The following MAP4K3 variants were observed in gnomAD, a reference collection of about 807,000 sequenced individuals.
MAP4K3 encodes the protein mitogen-activated protein kinase kinase kinase kinase 3, also known as MAPK/ERK kinase kinase kinase 3.
In MAP4K3, 94 loss-of-function variants were observed where a neutral mutation model predicts 143.5. The ratio of observed to expected loss-of-function variants is 0.65; its 90% CI spans 0.55 to 0.78. The LOEUF is 0.78. Among genes scored for constraint, MAP4K3 ranks in the 30% least tolerant of loss-of-function variants. The pLI is 0.00. For missense variants in MAP4K3, 1,077 were observed against 1,068.1 expected (o/e 1.01, Z -0.12); for synonymous variants, 416 against 347.2 (o/e 1.20, Z -2.20).
At chr2:39,307,548 A>C (rs1383621038) in intron 15 of MAP4K3, among the ~76,000 whole-genome samples, 1 of 151,432 alleles carries the variant, frequency 6.6e-6, no homozygotes, top group Non-Finnish European at 1.5e-5. Context: ...ATGCATATGA[A>C]TATATGTACC....
At chr2:39,400,910 A>T (rs2148607164) in intron 1 of MAP4K3, among the ~76,000 whole-genome samples, 1 of 152,296 alleles carries the variant, frequency 6.6e-6, no homozygotes, top group African/African-American at 2.4e-5. Flanking sequence ...TTTAGACATG[A>T]AATATCGGTT....
At chr2:39,405,670 C>G (rs1317760548) in intron 1 of MAP4K3, among the ~76,000 whole-genome samples, 2 of 152,074 alleles carry the variant, frequency 1.3e-5, no homozygotes, top group Non-Finnish European at 2.9e-5. Context: ...GAATTCAAGA[C>G]CAGCTTGGGC....
intron 16 of MAP4K3, chr2:39,294,028 G>A (rs920615507): frequency 1.3e-5 from 2 of 152,188 alleles, no homozygotes; most frequent in Non-Finnish European, 2.9e-5. Context: ...GCAAGTTCAT[G>A]CAGCATACCT....
At chr2:39,385,988 C>A (rs1666495303) in intron 1 of MAP4K3, among the ~76,000 whole-genome samples, 1 of 152,058 alleles carries the variant, frequency 6.6e-6, no homozygotes, top group Admixed American at 6.6e-5. Context: ...GTGTTTTTTG[C>A]AGAATTTATG....
intron 26 of MAP4K3, among the ~76,000 whole-genome samples, chr2:39,268,632 C>CTTTTTTTT (rs1389888924): frequency 5.9e-4 from 27 of 45,728 alleles, no homozygotes; most frequent in East Asian, 1.2e-3. Context: ...AAGATTTTTT[C>CTTTTTTTT]TATTTTTTTT....
At chr2:39,375,987 CTG>C (rs568710898) in intron 2 of MAP4K3, among the ~76,000 whole-genome samples, 102 of 152,294 alleles carry the variant, frequency 6.7e-4, no homozygotes, top group African/African-American at 2.4e-3. Flanking sequence ...GGCAGTTAGA[CTG>C]TTTCCAATTT....
intron 26 of MAP4K3, among the ~76,000 whole-genome samples, chr2:39,269,765 G>A (rs964853108): frequency 6.6e-6 from 1 of 152,122 alleles, no homozygotes. Context: ...TTCAGATGTT[G>A]AAACACTGAA....
intron 1 of MAP4K3, among the ~76,000 whole-genome samples, chr2:39,408,034 G>A (rs964741284): frequency 6.6e-6 from 1 of 152,004 alleles, no homozygotes; most frequent in African/African-American, 2.4e-5. Context: ...TTTATGATCA[G>A]GACTGCTCTT....
At chr2:39,379,713 T>G (rs1236483793) in intron 1 of MAP4K3, 1 of 168,214 alleles carries the variant, frequency 5.9e-6, no homozygotes, top group Non-Finnish European at 1.5e-5. Context: ...ATAAGACAAC[T>G]GCCACCATTT....
rs553705280 is a variant in MAP4K3 at position 39,388,715 on chromosome 2, G to A, written c.97-10592C>T. On this transcript the variant is annotated intron_variant, in intron 1 of 33. Transcript: ENST00000263881. ...CCTGGAAATCCATAATCACAAGTCTGTCCCCAGTAGAGCATAGGGTTAAAA... is the reference window on the plus strand; with the variant it reads ...CCTGGAAATCCATAATCACAAGTCTATCCCCAGTAGAGCATAGGGTTAAAA... Among the ~76,000 whole-genome samples the A allele has an allele frequency of 1.1e-4, 17 of 152,298 alleles. No individual in the cohort carries two copies. The East Asian group carries it at 3.3e-3, about 29-fold the overall frequency.
chr2:39,303,992 G>C (rs1342737967), intron 15 of MAP4K3, among the ~76,000 whole-genome samples: 1 of 152,198 alleles, frequency 6.6e-6, no homozygotes, highest in Non-Finnish European at 1.5e-5. Context: ...GCATTTTGCA[G>C]ATCAGACAAA....
rs1027015591 is a variant in MAP4K3 at position 39,421,782 on chromosome 2, C to T, written c.96+15110G>A. ...CCGTTTCCTGCATGATCTCTTCTTG[C>T]TTATTCCTCCCCCTACCAGGACTTC... On this transcript the variant is annotated intron_variant, in intron 1 of 33. Transcript: ENST00000263881. 2.6e-5 allele frequency among the ~76,000 whole-genome samples: 4 copies of T among 152,170 alleles called. No homozygotes were observed. The East Asian group carries it at 7.7e-4, about 29-fold the overall frequency.
chr2:39,391,391 A>G lies in MAP4K3; in HGVS notation c.97-13268T>C, dbSNP rs1314323962. On this transcript the variant is annotated intron_variant, in intron 1 of 33. Coordinates refer to ENST00000263881, the MANE Select transcript of MAP4K3 (RefSeq NM_003618.4). Reference sequence around the variant, plus strand: ...AAAAAAAAAAAAAAAAGAAAGAAAGAAAGAATATATACTATACTCTCCTCC... The same window carrying G: ...AAAAAAAAAAAAAAAAGAAAGAAAGGAAGAATATATACTATACTCTCCTCC... Among the ~76,000 whole-genome samples, 3 of 150,830 alleles carry G rather than the reference A, an allele frequency of 2.0e-5. No individual in the cohort carries two copies. In the South Asian group the frequency reaches 6.3e-4, roughly 32 times the overall value.
chr2:39,384,477 C>T (rs1259418685), intron 1 of MAP4K3, among the ~76,000 whole-genome samples: 1 of 152,216 alleles, frequency 6.6e-6, no homozygotes, highest in African/African-American at 2.4e-5. Flanking sequence ...ACCCGGGAGG[C>T]GGAAGTTGCA....
intron 12 of MAP4K3, among the ~76,000 whole-genome samples, chr2:39,321,393 G>A (rs1352261371): frequency 6.6e-6 from 1 of 152,234 alleles, no homozygotes; most frequent in Non-Finnish European, 1.5e-5. Context: ...CTTGAAGGCA[G>A]CATGCTCCTT....
At chr2:39,381,211 G>T (rs1666348605) in intron 1 of MAP4K3, among the ~76,000 whole-genome samples, 1 of 152,084 alleles carries the variant, frequency 6.6e-6, no homozygotes, top group African/African-American at 2.4e-5. Flanking sequence ...CTACTTTTTA[G>T]CTGTTATGAA....
chr2:39,258,656 A>G, intron 29 of MAP4K3, 69 bp from the exon 30 acceptor site: 1 of 1,075,780 alleles, frequency 9.3e-7, no homozygotes. Context: ...ACATTGAAGA[A>G]AAAGAATTCT....
At chr2:39,255,517 T>C (rs1266694843) in intron 31 of MAP4K3, among the ~76,000 whole-genome samples, 1 of 152,180 alleles carries the variant, frequency 6.6e-6, no homozygotes, top group Non-Finnish European at 1.5e-5. Flanking sequence ...TGTGGGTCTA[T>C]TTCTGGGCCT....
intron 21 of MAP4K3, among the ~76,000 whole-genome samples, chr2:39,284,899 AT>A (rs947467441): frequency 6.6e-6 from 1 of 151,408 alleles, no homozygotes; most frequent in Non-Finnish European, 1.5e-5. Flanking sequence ...TTATCATTTA[AT>A]TTTTTTTAGA....
Sources: allele counts gnomAD v4.1 joint callset (sites outside exome capture counted in the v4.1 genomes callset), GRCh38; gene constraint gnomAD v4.1.1; transcripts MANE v1.5; gene names NCBI Gene and HGNC (gene_info 2026-07-23, HGNC 2026-07-21).